KBTBD3: variants seen among roughly 807,000 people sequenced by gnomAD.
The protein encoded by KBTBD3 is kelch repeat and BTB domain containing 3.
Under a neutral mutation model 49.6 loss-of-function variants are expected in KBTBD3, and 38 were observed. That is an observed-to-expected ratio of 0.77 (90% CI 0.59 to 1.00). The LOEUF (loss-of-function observed/expected upper bound fraction) is 1.00. Ranked by LOEUF, KBTBD3 falls within the 50% of genes least tolerant of loss-of-function variation. The pLI, the probability that KBTBD3 is intolerant of heterozygous loss-of-function variation, is 0.00. For missense variants in KBTBD3, 661 were observed against 712.0 expected, an observed-to-expected ratio of 0.93 and a Z score of 0.81; for synonymous variants, 214 against 250.4, an observed-to-expected ratio of 0.85 and a Z score of 1.37.
chr11:106,053,714 C>G lies in KBTBD3; in HGVS notation c.975G>C (p.Pro325=), dbSNP rs371520857. The G allele has an allele frequency of 4.3e-6, 7 of 1,613,454 alleles. No individual in the cohort carries two copies. In the South Asian group the frequency reaches 5.5e-5, roughly 13 times the overall value. The change falls in exon 4 of 4, where the codon CCG becomes CCC. Residue 325 remains proline (P), a synonymous_variant. Coordinates refer to ENST00000531837, the MANE Select transcript of KBTBD3 (RefSeq NM_198439.3). ...CTGGCAAATCAATCAGGTGTGATTG[C>G]GGCAGTATTTTCCATGAATCAGATT... ...NIKSDSWKIL[P]QSHLIDLPGS...
intron 2 of KBTBD3, among the ~76,000 whole-genome samples, chr11:106,074,112 A>ACC (rs1555076699): frequency 4.7e-4 from 35 of 73,778 alleles, no homozygotes; most frequent in African/African-American, 1.0e-3. Context: ...AATGCCGAAC[A>ACC]CCCCCCCCCA....
rs1321780785 is a variant in KBTBD3 at position 106,051,721 on chromosome 11, T to C, written c.*1129A>G. 2 of 151,718 alleles carry C rather than the reference T, an allele frequency of 1.3e-5. No homozygotes were observed. Among genetic ancestry groups the C allele is most frequent in the East Asian group, 3.9e-4 (2 of 5,170 alleles). 9.4% of individuals were successfully genotyped at this position (151,718 alleles called of 1,614,324 possible). Reference sequence around the variant, plus strand: ...AACAGTACCCTTACATTGTGTGGGTTAAAGATCAAACATCTTAACAGATGC... The same window carrying C: ...AACAGTACCCTTACATTGTGTGGGTCAAAGATCAAACATCTTAACAGATGC... On this transcript the variant is annotated 3_prime_UTR_variant, in exon 4 of 4. Transcript: ENST00000531837.
In KBTBD3 at chr11:106,053,931, T is replaced by C. The variant is rs1860493480; in HGVS notation, c.758A>G (p.Asp253Gly). The C allele has an allele frequency of 6.2e-7, 1 of 1,613,830 alleles. No homozygotes were observed. Among genetic ancestry groups the C allele is most frequent in the African/African-American group, 1.3e-5 (1 of 74,922 alleles). Residue 253 changes from aspartate (D) to glycine (G), a missense_variant, in exon 4 of 4, where the codon GAC (aspartate) becomes GGC (glycine). Transcript: ENST00000531837. ...TAAACTCTCTTCATTGAACAGACAG[T>C]CCTGAAGTGTCTCCTCAGATAACTG... The part of the protein sequence containing the change: ...LHQLSEETLQ[D>G]CLFNEESLLK...
Position 106,052,409 on chromosome 11 carries a change from C to T in KBTBD3, c.*441G>A, listed in dbSNP as rs1860437039. ...AAAAAGGGTACCTAAAAGAAGTTAA[C>T]CAATCATCACAAATGATAGGAATTC... On this transcript the variant is annotated 3_prime_UTR_variant, in exon 4 of 4. Coordinates refer to ENST00000531837, the MANE Select transcript of KBTBD3 (RefSeq NM_198439.3). 6.5e-6 allele frequency: 1 copy of T among 153,192 alleles called. No individual in the cohort carries two copies. Among genetic ancestry groups the T allele is most frequent in the African/African-American group, 2.4e-5 (1 of 41,402 alleles). 9.5% of individuals were successfully genotyped at this position (153,192 alleles called of 1,614,324 possible). A position where few individuals can be genotyped will look rare whatever the true frequency, so the allele number is the denominator to read the frequency against.
chr11:106,056,747 A>T (rs912020563), intron 3 of KBTBD3, among the ~76,000 whole-genome samples: 1 of 152,256 alleles, frequency 6.6e-6, no homozygotes, highest in African/African-American at 2.4e-5. Flanking sequence ...AAACATGTCT[A>T]GTAAATGGTA....
intron 2 of KBTBD3, chr11:106,076,234 A>T (rs1861026436): frequency 6.6e-6 from 1 of 152,206 alleles, no homozygotes; most frequent in Non-Finnish European, 1.5e-5. Flanking sequence ...CCAGATTGTA[A>T]GCTCCCTGCA....
At position 106,058,643 on chromosome 11, in the gene KBTBD3, T is replaced by C. The variant is rs1860611481; in HGVS notation, c.233+222A>G. The C allele has an allele frequency of 2.1e-5, 10 of 469,658 alleles. No homozygotes were observed. In the East Asian group the frequency reaches 3.8e-4, roughly 18 times the overall value. The allele number at this position is 469,658 out of a possible 1,614,324, so 29.1% of individuals were successfully genotyped here. ...TTCACCATGTTGGCCAGGCTGGTCT[T>C]GAAGTCCTGACCTCAGGTGATCCGC... On this transcript the variant is annotated intron_variant, in intron 3 of 3. Transcript: ENST00000531837.
chr11:106,058,111 G>A (rs921850494), intron 3 of KBTBD3: 1 of 393,362 alleles, frequency 2.5e-6, no homozygotes, highest in Non-Finnish European at 4.5e-6. Context: ...ACGGCCCAGC[G>A]CAGTGGCTCA....
chr11:106,057,898 A>G, intron 3 of KBTBD3: 1 of 388,562 alleles, frequency 2.6e-6, no homozygotes, highest in Non-Finnish European at 4.5e-6. Context: ...TTTTGCTTCC[A>G]TTTTTGTTCA....
intron 2 of KBTBD3, among the ~76,000 whole-genome samples, chr11:106,059,439 G>A (rs550061630): frequency 6.6e-6 from 1 of 152,130 alleles, no homozygotes; most frequent in Admixed American, 6.6e-5. Context: ...CTATACATAA[G>A]AGGTATTATT....
At chr11:106,074,120 C>CCA (rs201458657) in intron 2 of KBTBD3, among the ~76,000 whole-genome samples, 9 of 89,824 alleles carry the variant, frequency 1.0e-4, no homozygotes, top group African/African-American at 1.8e-4. Context: ...ACACCCCCCC[C>CCA]CACACACATA....
chr11:106,065,828 G>C (rs1461522272), intron 2 of KBTBD3, among the ~76,000 whole-genome samples: 2 of 151,932 alleles, frequency 1.3e-5, no homozygotes, highest in Non-Finnish European at 1.5e-5. Flanking sequence ...AGGCATGGTA[G>C]TGGGCACCTA....
At chr11:106,062,046 T>C (rs946941407) in intron 2 of KBTBD3, among the ~76,000 whole-genome samples, 4 of 152,038 alleles carry the variant, frequency 2.6e-5, no homozygotes, top group Admixed American at 1.3e-4. Flanking sequence ...TGAATGTGTG[T>C]GTGGCTGTGG....
Position 106,051,785 on chromosome 11 carries a change from ATTTTTT to A in KBTBD3, c.*1059_*1064del. ...TATTATCAATACCAAAAGCCAAGTCATTTTTTTTAATTTAGAAAATAATTCACTAAG... is the reference window on the plus strand; with the variant it reads ...TATTATCAATACCAAAAGCCAAGTCATTAATTTAGAAAATAATTCACTAAG... On this transcript the variant is annotated 3_prime_UTR_variant, in exon 4 of 4. Coordinates refer to ENST00000531837, the MANE Select transcript of KBTBD3 (RefSeq NM_198439.3). 1 of 151,660 alleles carries A rather than the reference ATTTTTT, an allele frequency of 6.6e-6. No individual in the cohort carries two copies. The highest frequency in any genetic ancestry group is 1.9e-4 in the East Asian group (1 of 5,180). 9.4% of individuals were successfully genotyped at this position (151,660 alleles called of 1,614,324 possible). A position where few individuals can be genotyped will look rare whatever the true frequency, so the allele number is the denominator to read the frequency against.
Position 106,053,676 on chromosome 11 carries a change from G to T in KBTBD3, c.1013C>A (p.Ser338Ter), listed in dbSNP as rs543907881. 1 of 1,613,564 alleles carries T rather than the reference G, an allele frequency of 6.2e-7. No homozygotes were observed. The highest frequency in any genetic ancestry group is 8.5e-7 in the Non-Finnish European group (1 of 1,179,912). The change falls in exon 4 of 4, where the codon TCG (serine) becomes TAG (stop). Residue 338 changes from serine (S) to a stop codon, truncating the protein, a stop_gained. Transcript: ENST00000531837. LOFTEE classifies it high-confidence loss of function. ...HLIDLPGSSL[S>*]SYGEKIFLTG... ...CAAGAATATTTTCTCTCCGTAACTC[G>T]AAAGACTAGATCCTGGCAAATCAAT...
Position 106,068,042 on chromosome 11 carries a change from C to T in KBTBD3, c.-13+8465G>A, listed in dbSNP as rs151227585. Among the ~76,000 whole-genome samples the T allele has an allele frequency of 4.3e-3, 650 of 150,854 alleles. 6 individuals carry two copies. Among genetic ancestry groups the T allele is most frequent in the African/African-American group, 0.015 (597 of 40,686 alleles). ...ATATTATGTAATGCCCATCCACCAC[C>T]GAGAAGACTAGCAGTCAAAAATATA... On this transcript the variant is annotated intron_variant, in intron 2 of 3. Coordinates refer to ENST00000531837, the MANE Select transcript of KBTBD3 (RefSeq NM_198439.3).
intron 2 of KBTBD3, among the ~76,000 whole-genome samples, chr11:106,071,336 C>G (rs1860914301): frequency 6.6e-6 from 1 of 152,056 alleles, no homozygotes; most frequent in African/African-American, 2.4e-5. Context: ...TTTTAAAACT[C>G]TAACCACAAA....
At chr11:106,072,627 C>G (rs992702173) in intron 2 of KBTBD3, among the ~76,000 whole-genome samples, 5 of 151,894 alleles carry the variant, frequency 3.3e-5, no homozygotes, top group South Asian at 4.2e-4. Flanking sequence ...GCCTAAGAAC[C>G]AAGCCTTTGA....
chr11:106,053,578 C>T lies in KBTBD3; in HGVS notation c.1111G>A (p.Asp371Asn), dbSNP rs770656308. 6.2e-7 allele frequency: 1 copy of T among 1,613,658 alleles called. No homozygotes were observed. The highest frequency in any genetic ancestry group is 8.5e-7 in the Non-Finnish European group (1 of 1,179,884). ...HIAESYHDAT[D>N]QTWCYCPVKN... ...ACTGGACAGTAGCACCAGGTTTGAT[C>T]AGTGGCATCATGATATGACTCGGCA... Residue 371 changes from aspartate (D) to asparagine (N), a missense_variant, in exon 4 of 4, where the codon GAT (aspartate) becomes AAT (asparagine). Physicochemically the swap from Asp to Asn is conservative, Grantham distance 23 (BLOSUM62 1). Coordinates refer to ENST00000531837, the MANE Select transcript of KBTBD3 (RefSeq NM_198439.3).
Sources: gnomAD v4.1 joint callset for allele counts (sites outside exome capture counted in the v4.1 genomes callset) on GRCh38, gnomAD v4.1.1 for gene constraint, MANE v1.5 for transcripts, NCBI Gene and HGNC (gene_info 2026-07-23, HGNC 2026-07-21) for gene names.